Variants in FANCA observed in about 807,000 individuals in gnomAD.
FANCA encodes FA complementation group A.
A neutral mutation model predicts 194.3 loss-of-function variants in FANCA; 236 were observed. That is an observed-to-expected ratio of 1.21 (90% CI 1.09 to 1.35). FANCA has a LOEUF of 1.35. FANCA is among the 40% of genes most tolerant of loss of function. The pLI is 0.00. For missense variants in FANCA, 2,628 were observed against 1,813.9 expected, an observed-to-expected ratio of 1.45 and a Z score of -8.15; for synonymous variants, 1,014 against 715.8, an observed-to-expected ratio of 1.42 and a Z score of -6.65.
chr16:89,801,485 G>A (rs2040452668), intron 8 of FANCA, among the ~76,000 whole-genome samples: 1 of 152,070 alleles, frequency 6.6e-6, no homozygotes, highest in Admixed American at 6.5e-5. Flanking sequence ...AATGCAAACA[G>A]AACTCTTATA....
intron 5 of FANCA, among the ~76,000 whole-genome samples, chr16:89,808,937 GCT>G (rs1261165685): frequency 6.7e-6 from 1 of 150,250 alleles, no homozygotes; most frequent in Non-Finnish European, 1.5e-5. Context: ...ACAGAGTCGC[GCT>G]CTGTCACCCA....
At chr16:89,761,717 C>G (rs573174765) in intron 29 of FANCA, among the ~76,000 whole-genome samples, 2 of 152,212 alleles carry the variant, frequency 1.3e-5, no homozygotes, top group Admixed American at 6.5e-5. Context: ...CTCTACCTCC[C>G]AGGCTCAAGC....
At position 89,770,036 on chromosome 16, in the gene FANCA, A is replaced by T. The variant is rs564436100; in HGVS notation, c.2317-12T>A. The T allele has an allele frequency of 2.5e-6, 4 of 1,612,470 alleles. No individual in the cohort carries two copies. In the South Asian group the frequency reaches 4.4e-5, roughly 18 times the overall value. On this transcript the variant is annotated splice_polypyrimidine_tract_variant and intron_variant, in intron 25 of 42. Coordinates refer to ENST00000389301, the MANE Select transcript of FANCA (RefSeq NM_000135.4). ...CTCAGGCTCGGGCCCTGCAACGAGA[A>T]TGAGGGTGGCAGAGCAGACTGCCCT...
intron 3 of FANCA, among the ~76,000 whole-genome samples, chr16:89,813,883 C>A (rs1598198002): frequency 1.3e-5 from 2 of 151,628 alleles, no homozygotes; most frequent in African/African-American, 4.8e-5. Context: ...CAGAAAAAAA[C>A]AAACTCAAAA....
intron 28 of FANCA, among the ~76,000 whole-genome samples, chr16:89,764,207 G>A (rs2039048486): frequency 6.6e-6 from 1 of 152,230 alleles, no homozygotes; most frequent in Non-Finnish European, 1.5e-5. Flanking sequence ...GCACCACTGA[G>A]CACAGCGAGA....
intron 11 of FANCA, 121 bp downstream of exon 11, chr16:89,795,785 C>A: frequency 1.3e-6 from 1 of 754,338 alleles, no homozygotes; most frequent in South Asian, 1.4e-5. Flanking sequence ...GTCTCTGGTT[C>A]AAGACAGACG....
intron 29 of FANCA, among the ~76,000 whole-genome samples, chr16:89,761,234 A>T (rs2038940817): frequency 6.6e-6 from 1 of 152,254 alleles, no homozygotes; most frequent in African/African-American, 2.4e-5. Flanking sequence ...CCTGGTTAAC[A>T]CGGTGAAACC....
chr16:89,740,561 A>T (rs893759828), intron 38 of FANCA: 1 of 539,200 alleles, frequency 1.9e-6, no homozygotes, highest in Non-Finnish European at 3.3e-6. Context: ...GCTTGAACCC[A>T]GGAGGCTGAG....
At chr16:89,780,021 G>T in intron 17 of FANCA, 64 bp from the exon 18 acceptor site, 2 of 1,404,940 alleles carry the variant, frequency 1.4e-6, no homozygotes, top group Non-Finnish European at 2.0e-6. Flanking sequence ...ACTGAGCAGT[G>T]AAGGCCACAC....
rs778614251 is a variant in FANCA at position 89,742,778 on chromosome 16, G to A, written c.3765+22C>T. The A allele has an allele frequency of 3.7e-6, 6 of 1,607,794 alleles. No homozygotes were observed. In the East Asian group the frequency reaches 9.0e-5, roughly 24 times the overall value. ...ACCAAGCTTGCGAGAAAATAAATCA[G>A]TAAAAGAATTTCCTATCTTGCCTCC... is the stretch of plus-strand genomic sequence containing the variant. On this transcript the variant is annotated intron_variant, in intron 37 of 42. Transcript: ENST00000389301.
At position 89,745,047 on chromosome 16, in the gene FANCA, C is replaced by T. The variant is rs372706571; in HGVS notation, c.3538G>A (p.Val1180Met). The T allele has an allele frequency of 5.8e-4, 926 of 1,607,800 alleles. 11 individuals are homozygous for T. The South Asian group carries it at 9.8e-3, about 17-fold the overall frequency. Reference protein sequence around the residue: ...ALVWWPSLEPVLLCRWRRHCQ... With the variant: ...ALVWWPSLEPMLLCRWRRHCQ... Reference sequence around the variant, plus strand: ...TGTCTCCTCCACCGGCAGAGCAGCACAGGCTCCAGGCTCGGCCACCACACC... The same window carrying T: ...TGTCTCCTCCACCGGCAGAGCAGCATAGGCTCCAGGCTCGGCCACCACACC... Residue 1180 changes from valine to methionine, a missense_variant, in exon 36 of 43, where the codon GTG (valine) becomes ATG (methionine). Physicochemically the swap from Val to Met is conservative, Grantham distance 21. Coordinates refer to ENST00000389301, the MANE Select transcript of FANCA (RefSeq NM_000135.4).
intron 6 of FANCA, 28 bp downstream of exon 6, chr16:89,808,266 T>A: frequency 6.2e-7 from 1 of 1,607,370 alleles, no homozygotes; most frequent in Non-Finnish European, 8.5e-7. Flanking sequence ...GCAAAAACAG[T>A]AACACTGAAT....
At chr16:89,795,616 C>G (rs2040218429) in intron 11 of FANCA, among the ~76,000 whole-genome samples, 1 of 152,160 alleles carries the variant, frequency 6.6e-6, no homozygotes, top group Non-Finnish European at 1.5e-5. Flanking sequence ...CCAGCATGGG[C>G]AAGTGAGTGA....
At position 89,808,494 on chromosome 16, in the gene FANCA, A is replaced by C. The variant is rs943887307; in HGVS notation, c.523-127T>G. 7.5e-6 allele frequency: 7 copies of C among 935,870 alleles called. No homozygotes were observed. The Admixed American group carries it at 8.9e-5, about 12-fold the overall frequency. The allele number at this position is 935,870 out of a possible 1,614,324, so 58.0% of individuals were successfully genotyped here. A position where few individuals can be genotyped will look rare whatever the true frequency, so the allele number is the denominator to read the frequency against. The stretch of plus-strand genomic sequence containing the variant: ...CTTAACCATGCCGTATTGAAAATTA[A>C]CCTCAAGCAAAAACTTAGAGCCTGA... On this transcript the variant is annotated intron_variant, in intron 5 of 42. Transcript: ENST00000389301.
intron 30 of FANCA, among the ~76,000 whole-genome samples, chr16:89,755,286 T>C (rs559202167): frequency 5.3e-4 from 81 of 152,066 alleles, no homozygotes; most frequent in South Asian, 1.7e-3. Flanking sequence ...TCTGGGCTCA[T>C]TGCAACCTCC....
intron 8 of FANCA, 55 bp downstream of exon 8, chr16:89,803,204 C>G (rs369327916): frequency 6.6e-7 from 1 of 1,515,586 alleles, no homozygotes; most frequent in African/African-American, 1.4e-5. Flanking sequence ...CATTTCAACA[C>G]TTGGAATAAG....
chr16:89,804,275 G>T (rs2040556538), intron 7 of FANCA, among the ~76,000 whole-genome samples: 1 of 152,094 alleles, frequency 6.6e-6, no homozygotes, highest in Non-Finnish European at 1.5e-5. Flanking sequence ...CTTGTAGTGG[G>T]ATGGGTCTCC....
intron 33 of FANCA, among the ~76,000 whole-genome samples, chr16:89,747,677 G>T (rs1272574616): frequency 3.9e-5 from 6 of 151,944 alleles, no homozygotes; most frequent in African/African-American, 1.2e-4. Context: ...CTCCAGCCTG[G>T]GCGACAGAGC....
chr16:89,756,142 T>A (rs1419995781), intron 30 of FANCA, among the ~76,000 whole-genome samples: 3 of 152,232 alleles, frequency 2.0e-5, no homozygotes, highest in South Asian at 2.1e-4. Context: ...TGTGGCTCGT[T>A]GTTAACCAGA....
Sources: gnomAD v4.1 joint callset for allele counts (sites outside exome capture counted in the v4.1 genomes callset) on GRCh38, gnomAD v4.1.1 for gene constraint, MANE v1.5 for transcripts, NCBI Gene and HGNC (gene_info 2026-07-23, HGNC 2026-07-21) for gene names.